The following ZNG1C variants were observed in gnomAD, a reference collection of about 807,000 sequenced individuals.
The protein encoded by ZNG1C is zinc-regulated GTPase metalloprotein activator 1C.
the ZNG1C span, among the ~76,000 whole-genome samples, chr9:68,267,254 G>C: frequency 2.0e-5 from 3 of 152,200 alleles, no homozygotes; most frequent in African/African-American, 7.2e-5. Context: ...TAAAGGTAAG[G>C]CTCATTAGGA....
At chr9:68,287,771 AGTAT>A in the ZNG1C span, among the ~76,000 whole-genome samples, 1 of 150,898 alleles carries the variant, frequency 6.6e-6, no homozygotes, top group Non-Finnish European at 1.5e-5. Flanking sequence ...AGGGAAAAAT[AGTAT>A]CACAGCCAAA....
chr9:68,293,281 AAC>A, the ZNG1C span, among the ~76,000 whole-genome samples: 2 of 152,416 alleles, frequency 1.3e-5, no homozygotes, highest in South Asian at 4.1e-4. Context: ...AAACCAAAAA[AAC>A]AAGGTATACA....
the ZNG1C span, among the ~76,000 whole-genome samples, chr9:68,286,590 A>ATCATAGATC: frequency 7.0e-6 from 1 of 143,706 alleles, no homozygotes; most frequent in Admixed American, 7.0e-5. Flanking sequence ...TGTTAAGCAG[A>ATCATAGATC]TCATAGATCG....
At chr9:68,281,191 T>C in the ZNG1C span, among the ~76,000 whole-genome samples, 72 of 152,218 alleles carry the variant, frequency 4.7e-4, no homozygotes, top group Middle Eastern at 6.8e-3. Context: ...CGCCCTGCTT[T>C]GGCTCGCGGA....
chr9:68,249,197 G>A, the ZNG1C span, among the ~76,000 whole-genome samples: 1 of 151,638 alleles, frequency 6.6e-6, no homozygotes, highest in Non-Finnish European at 1.5e-5. Flanking sequence ...GAGCAGAGAC[G>A]TTCTACTTCT....
chr9:68,269,607 A>C, the ZNG1C span: 1 of 577,552 alleles, frequency 1.7e-6, no homozygotes, highest in African/African-American at 6.1e-5. Context: ...AAGGCTCAGC[A>C]GCTGATAGAC....
At chr9:68,256,544 A>G in the ZNG1C span, among the ~76,000 whole-genome samples, 1 of 95,876 alleles carries the variant, frequency 1.0e-5, no homozygotes, top group African/African-American at 4.1e-5. Flanking sequence ...TTGAATGATT[A>G]TCATATTAAA....
chr9:68,259,631 C>T, the ZNG1C span, among the ~76,000 whole-genome samples: 1 of 150,648 alleles, frequency 6.6e-6, no homozygotes, highest in Non-Finnish European at 1.5e-5. Context: ...CTTGTCTCAG[C>T]CTCCTGAGTA....
the ZNG1C span, chr9:68,269,238 G>C: frequency 3.2e-6 from 1 of 308,070 alleles, no homozygotes; most frequent in Non-Finnish European, 6.2e-6. Context: ...AGGAAGAAAA[G>C]ACTTCCAAAC....
the ZNG1C span, among the ~76,000 whole-genome samples, chr9:68,281,225 C>T: frequency 3.9e-5 from 6 of 152,382 alleles, no homozygotes; most frequent in African/African-American, 1.2e-4. Context: ...CACTGACCTG[C>T]GCCCACTGTC....
chr9:68,290,714 G>A, the ZNG1C span, among the ~76,000 whole-genome samples: 2 of 140,604 alleles, frequency 1.4e-5, no homozygotes, highest in Admixed American at 7.2e-5. Context: ...TTAACTGACA[G>A]TTATGTTTCA....
chr9:68,260,241 C>CATTTTGTT, the ZNG1C span, among the ~76,000 whole-genome samples: 2 of 147,188 alleles, frequency 1.4e-5, no homozygotes, highest in East Asian at 4.0e-4. Context: ...ACTGCTAAGA[C>CATTTTGTT]ATTTTGTTTT....
the ZNG1C span, among the ~76,000 whole-genome samples, chr9:68,297,259 A>G: frequency 6.7e-6 from 1 of 148,596 alleles, no homozygotes; most frequent in Non-Finnish European, 1.5e-5. Flanking sequence ...TATGTGTTAC[A>G]TATATTCTTA....
At chr9:68,294,143 A>G in the ZNG1C span, among the ~76,000 whole-genome samples, 1 of 149,746 alleles carries the variant, frequency 6.7e-6, no homozygotes, top group Non-Finnish European at 1.5e-5. Context: ...GACAATAGTG[A>G]CACAACCTAT....
chr9:68,267,140 G>C, the ZNG1C span, among the ~76,000 whole-genome samples: 87 of 152,342 alleles, frequency 5.7e-4, no homozygotes, highest in Non-Finnish European at 9.6e-4. Context: ...AATGCTTTGA[G>C]CGTGATGGCT....
At chr9:68,285,204 A>ACC in the ZNG1C span, 8 of 20,220 alleles carry the variant, frequency 4.0e-4, 2 homozygotes, top group African/African-American at 9.7e-4. Flanking sequence ...CCCTACTAGG[A>ACC]CCCCCCCAAA....
At chr9:68,266,871 A>G in the ZNG1C span, among the ~76,000 whole-genome samples, 2 of 152,160 alleles carry the variant, frequency 1.3e-5, no homozygotes, top group African/African-American at 2.4e-5. Context: ...GCTTGCTTGT[A>G]TATCTTCTTT....
chr9:68,298,804 T>G, the ZNG1C span: 1 of 533,484 alleles, frequency 1.9e-6, no homozygotes, highest in South Asian at 2.5e-5. Context: ...AGAAACTTCT[T>G]GTAATTCACA....
chr9:68,275,195 A>G, the ZNG1C span, among the ~76,000 whole-genome samples: 1 of 83,160 alleles, frequency 1.2e-5, no homozygotes. Flanking sequence ...TCTACGCCAA[A>G]CACTATGTCT....
Sources: gnomAD v4.1 joint callset for allele counts (sites outside exome capture counted in the v4.1 genomes callset) on GRCh38, gnomAD v4.1.1 for gene constraint, MANE v1.5 for transcripts, NCBI Gene and HGNC (gene_info 2026-07-23, HGNC 2026-07-21) for gene names.